The following CAMTA1 variants were observed in gnomAD, a reference collection of about 807,000 sequenced individuals.
CAMTA1 encodes calmodulin binding transcription activator 1.
CAMTA1 carries 27 observed loss-of-function variants against 170.9 expected under a neutral mutation model. The ratio of observed to expected loss-of-function variants is 0.16; its 90% CI spans 0.12 to 0.22. The LOEUF (loss-of-function observed/expected upper bound fraction) is 0.22. CAMTA1 is among the 10% of genes least tolerant of loss of function. CAMTA1 has a pLI of 1.00. For synonymous variants in CAMTA1, 833 were observed against 891.5 expected (o/e 0.93, Z 1.17); for missense variants, 1,619 against 2,217.2 (o/e 0.73, Z 5.42).
At chr1:7,276,189 A>AC in intron 5 of CAMTA1, among the ~76,000 whole-genome samples, 1 of 132,554 alleles carries the variant, frequency 7.5e-6, no homozygotes, top group Admixed American at 7.6e-5. Flanking sequence ...CCCATTCATG[A>AC]TTAAAAAAAA....
intron 6 of CAMTA1, among the ~76,000 whole-genome samples, chr1:7,501,381 C>A (rs1019152326): frequency 6.6e-6 from 1 of 152,188 alleles, no homozygotes; most frequent in African/African-American, 2.4e-5. Context: ...TGTGCCCTCA[C>A]AGCTGCTGCT....
chr1:7,513,661 A>G (rs982101700), intron 6 of CAMTA1, among the ~76,000 whole-genome samples: 8 of 152,016 alleles, frequency 5.3e-5, no homozygotes, highest in African/African-American at 1.9e-4. Context: ...GGTGGCTCAC[A>G]CCTGTAATCC....
Position 7,249,483 on chromosome 1 carries a change from G to A in CAMTA1, c.303-8G>A. The A allele has an allele frequency of 1.2e-6, 2 of 1,609,112 alleles. No individual in the cohort carries two copies. The highest frequency in any genetic ancestry group is 1.1e-5 in the South Asian group (1 of 89,970). On this transcript the variant is annotated splice_region_variant and splice_polypyrimidine_tract_variant and intron_variant, in intron 4 of 22. Transcript: ENST00000303635. This position sits in a 1 kb window ranked among gnomAD's most constrained non-coding sequence, Gnocchi z 4.4. ...ACTCTTGGTAACTTAACCATTTGTT[G>A]TTTCCAGACCACAGAATGGCTCAAT...
At chr1:7,764,058 A>G (rs2096997707) in intron 22 of CAMTA1, among the ~76,000 whole-genome samples, 2 of 152,182 alleles carry the variant, frequency 1.3e-5, no homozygotes, top group African/African-American at 4.8e-5. Flanking sequence ...GTTAGTATAG[A>G]TATTGCATGT....
chr1:7,431,160 A>G (rs997022324), intron 5 of CAMTA1, among the ~76,000 whole-genome samples: 1 of 152,224 alleles, frequency 6.6e-6, no homozygotes, highest in Non-Finnish European at 1.5e-5. Flanking sequence ...GCCGACTCAG[A>G]GATGCCTTCT....
intron 3 of CAMTA1, among the ~76,000 whole-genome samples, chr1:6,993,980 A>G (rs1696789969): frequency 6.6e-6 from 1 of 151,956 alleles, no homozygotes; most frequent in Admixed American, 6.6e-5. Flanking sequence ...GCCTCTTTGC[A>G]TGTTTTGAAT....
At chr1:7,362,291 T>G (rs1342987330) in intron 5 of CAMTA1, among the ~76,000 whole-genome samples, 1 of 152,208 alleles carries the variant, frequency 6.6e-6, no homozygotes, top group African/African-American at 2.4e-5. Context: ...GTTAGTGGAC[T>G]TGGGTAGAGT....
intron 1 of CAMTA1, among the ~76,000 whole-genome samples, chr1:6,813,935 C>A (rs946885598): frequency 3.9e-5 from 6 of 152,100 alleles, no homozygotes; most frequent in African/African-American, 1.4e-4. Flanking sequence ...ATCACCAGGA[C>A]GAGAGACGGG....
At chr1:7,658,754 G>T (rs775552074) in intron 7 of CAMTA1, among the ~76,000 whole-genome samples, 10 of 152,202 alleles carry the variant, frequency 6.6e-5, no homozygotes, top group African/African-American at 9.7e-5. Context: ...TCTTGGTAGA[G>T]GTTTATTTAA....
At position 7,007,802 on chromosome 1, in the gene CAMTA1, C is replaced by T. The variant is rs1699226175; in HGVS notation, c.235-83502C>T. Among the ~76,000 whole-genome samples the T allele has an allele frequency of 6.6e-6, 1 of 152,222 alleles. No homozygotes were observed. The highest frequency in any genetic ancestry group is 2.4e-5 in the African/African-American group (1 of 41,458). ...GTCATCCACTCCTCCAGAAGAGAGG[C>T]CAGGGAGCATTCCATCAGCCCCACC... On this transcript the variant is annotated intron_variant, in intron 3 of 22. Transcript: ENST00000303635. This position sits in a 1 kb window ranked among gnomAD's most constrained non-coding sequence, Gnocchi z 4.5.
chr1:7,377,535 C>T (rs1397353858), intron 5 of CAMTA1, among the ~76,000 whole-genome samples: 1 of 152,194 alleles, frequency 6.6e-6, no homozygotes, highest in Non-Finnish European at 1.5e-5. Flanking sequence ...TCCGAGGTTT[C>T]GCTCTGGATC....
chr1:7,187,890 G>A (rs1653719996), intron 4 of CAMTA1, among the ~76,000 whole-genome samples: 1 of 152,264 alleles, frequency 6.6e-6, no homozygotes, highest in Non-Finnish European at 1.5e-5. Flanking sequence ...CATTGGGATG[G>A]GCCCTGTATT....
chr1:7,615,386 G>C (rs1156800282), intron 6 of CAMTA1, among the ~76,000 whole-genome samples: 1 of 152,252 alleles, frequency 6.6e-6, no homozygotes, highest in Non-Finnish European at 1.5e-5. Context: ...CATAGTGACA[G>C]GCAGCTCGGG....
chr1:7,493,059 G>GCA lies in CAMTA1; in HGVS notation c.510+25159_510+25160insAC, dbSNP rs1160118113. ...CACAAACACAAACCTACATACACAC[G>GCA]CGCGCACACACACAGACATACAAAC... On this transcript the variant is annotated intron_variant, in intron 6 of 22. Coordinates refer to ENST00000303635, the MANE Select transcript of CAMTA1 (RefSeq NM_015215.4). Among the ~76,000 whole-genome samples the GCA allele has an allele frequency of 8.6e-5, 6 of 69,694 alleles. 1 individual carries two copies. The East Asian group carries it at 3.4e-3, about 40-fold the overall frequency. 45.7% of individuals were successfully genotyped at this position (69,694 alleles called of 152,430 possible).
chr1:7,406,021 C>G (rs533562434), intron 5 of CAMTA1, among the ~76,000 whole-genome samples: 2 of 152,258 alleles, frequency 1.3e-5, no homozygotes, highest in Non-Finnish European at 1.5e-5. Context: ...GGGAGACTCA[C>G]AGAACACTCT....
intron 3 of CAMTA1, among the ~76,000 whole-genome samples, chr1:7,090,984 T>C (rs1641393982): frequency 6.6e-6 from 1 of 152,192 alleles, no homozygotes; most frequent in Admixed American, 6.5e-5. Context: ...TTGGCATGTG[T>C]TTTTCCCTCC....
At chr1:7,310,700 C>CTCTTTCTTTCTTTCTTTCTT (rs71571885) in intron 5 of CAMTA1, among the ~76,000 whole-genome samples, 3 of 53,488 alleles carry the variant, frequency 5.6e-5, no homozygotes, top group South Asian at 5.1e-4. Flanking sequence ...CTCTCTCTCT[C>CTCTTTCTTTCTTTCTTTCTT]TCTTTCTTTC....
intron 21 of CAMTA1, 54 bp from the exon 22 acceptor site, chr1:7,755,584 C>A: frequency 5.2e-6 from 7 of 1,342,844 alleles, no homozygotes; most frequent in Non-Finnish European, 7.5e-6. Context: ...TGTAAGATTT[C>A]TGTTGTGACC....
chr1:7,764,749 C>T (rs778233037), intron 22 of CAMTA1, among the ~76,000 whole-genome samples: 2 of 152,130 alleles, frequency 1.3e-5, no homozygotes, highest in Non-Finnish European at 2.9e-5. Flanking sequence ...CACTTGAGCT[C>T]AGGAGTTCAA....
Sources: allele counts gnomAD v4.1 joint callset (sites outside exome capture counted in the v4.1 genomes callset), GRCh38; gene constraint gnomAD v4.1.1; non-coding constraint Gnocchi (gnomAD v3.1); transcripts MANE v1.5; gene names NCBI Gene and HGNC (gene_info 2026-07-23, HGNC 2026-07-21).